EYS: variants seen among roughly 807,000 people sequenced by gnomAD.
EYS encodes the protein EGF-like photoreceptor maintenance factor.
A neutral mutation model predicts 282.1 loss-of-function variants in EYS; 250 were observed. The observed-to-expected ratio is 0.89, with a 90% CI of 0.80 to 0.98. The LOEUF is 0.98. Ranked by LOEUF, EYS falls within the 50% of genes least tolerant of loss-of-function variation. EYS has a pLI of 0.00. For synonymous variants in EYS, 1,355 were observed against 1,282.9 expected, an observed-to-expected ratio of 1.06 and a Z score of -1.20; for missense variants, 4,016 against 3,709.0, an observed-to-expected ratio of 1.08 and a Z score of -2.15.
chr6:65,559,984 C>T lies in EYS; in HGVS notation c.-332-63991G>A, dbSNP rs138297857. On this transcript the variant is annotated intron_variant, in intron 2 of 42. Transcript: ENST00000503581. ...TAAAATATTTCAAACACTTTGAAGACATTTTTTTCAAAGGATATTAAAGAA... is the reference window on the plus strand; with the variant it reads ...TAAAATATTTCAAACACTTTGAAGATATTTTTTTCAAAGGATATTAAAGAA... Among the ~76,000 whole-genome samples the T allele has an allele frequency of 4.2e-3, 637 of 150,794 alleles. 4 individuals are homozygous for T. Among genetic ancestry groups the T allele is most frequent in the African/African-American group, 0.015 (611 of 41,420 alleles).
At chr6:65,550,155 T>TATGTTG (rs1197242809) in intron 2 of EYS, among the ~76,000 whole-genome samples, 3 of 8,468 alleles carry the variant, frequency 3.5e-4, no homozygotes, top group Non-Finnish European at 4.8e-4. Context: ...TTTTTTTTTT[T>TATGTTG]TTTTTTTTTT....
chr6:63,829,443 G>A (rs1256986264), intron 36 of EYS, among the ~76,000 whole-genome samples: 5 of 152,292 alleles, frequency 3.3e-5, no homozygotes, highest in Admixed American at 6.5e-5. Flanking sequence ...AGGGTCCCAC[G>A]CCCACAGAGC....
chr6:64,297,397 T>G (rs2150370336), intron 30 of EYS, among the ~76,000 whole-genome samples: 1 of 152,014 alleles, frequency 6.6e-6, no homozygotes, highest in East Asian at 1.9e-4. Flanking sequence ...CAGGAAAGGG[T>G]TTATAAAAGA....
At chr6:64,914,304 C>A (rs1768097391) in intron 15 of EYS, among the ~76,000 whole-genome samples, 3 of 152,034 alleles carry the variant, frequency 2.0e-5, no homozygotes, top group Admixed American at 2.0e-4. Flanking sequence ...AGGTAGATTT[C>A]CAAATCTTGA....
intron 35 of EYS, among the ~76,000 whole-genome samples, chr6:63,887,637 CT>C (rs1394885061): frequency 6.6e-6 from 1 of 152,232 alleles, no homozygotes; most frequent in East Asian, 1.9e-4. Flanking sequence ...AAATACTACA[CT>C]TTTCCCATGG....
chr6:65,676,995 T>G (rs1170766936), intron 1 of EYS, among the ~76,000 whole-genome samples: 4 of 144,446 alleles, frequency 2.8e-5, no homozygotes, highest in Non-Finnish European at 6.0e-5. Flanking sequence ...TTGACAAAAC[T>G]CAGCACTGAT....
chr6:65,421,974 A>T (rs1382733935), intron 5 of EYS, among the ~76,000 whole-genome samples: 1 of 151,940 alleles, frequency 6.6e-6, no homozygotes, highest in Non-Finnish European at 1.5e-5. Flanking sequence ...AGTTTGAAAT[A>T]TTGTGAGAAT....
chr6:64,421,523 T>C (rs1305941572), intron 28 of EYS, among the ~76,000 whole-genome samples: 1 of 152,158 alleles, frequency 6.6e-6, no homozygotes, highest in East Asian at 1.9e-4. Flanking sequence ...ATTTTGTCTT[T>C]CATATCTAGG....
intron 9 of EYS, among the ~76,000 whole-genome samples, chr6:65,345,644 T>C (rs189160607): frequency 2.8e-4 from 43 of 151,972 alleles, no homozygotes; most frequent in African/African-American, 9.9e-4. Flanking sequence ...TTCATTTAAA[T>C]TGTCCAATTT....
chr6:65,003,342 G>A lies in EYS; in HGVS notation c.2138-5639C>T, dbSNP rs572991637. The stretch of plus-strand genomic sequence containing the variant: ...AGCACTCCCAGGCTTATTAGAAAGA[G>A]GAAATTCCTGCCTAATAAATTTTGG... On this transcript the variant is annotated intron_variant, in intron 13 of 42. Transcript: ENST00000503581. 1.0e-4 allele frequency among the ~76,000 whole-genome samples: 15 copies of A among 147,166 alleles called. 1 individual carries two copies. Among genetic ancestry groups the A allele is most frequent in the Admixed American group, 2.0e-4 (3 of 14,786 alleles).
intron 19 of EYS, among the ~76,000 whole-genome samples, chr6:64,885,933 C>T (rs768718630): frequency 2.0e-5 from 3 of 151,684 alleles, no homozygotes; most frequent in Non-Finnish European, 4.4e-5. Flanking sequence ...CTACTCATCC[C>T]TCAGGATAGA....
At chr6:65,072,446 A>G (rs986938996) in intron 12 of EYS, among the ~76,000 whole-genome samples, 6 of 151,852 alleles carry the variant, frequency 4.0e-5, no homozygotes, top group African/African-American at 1.4e-4. Context: ...CTAAACATCC[A>G]TAAAGACTAA....
At chr6:64,463,143 G>A (rs1345794730) in intron 26 of EYS, among the ~76,000 whole-genome samples, 1 of 151,702 alleles carries the variant, frequency 6.6e-6, no homozygotes, top group Non-Finnish European at 1.5e-5. Context: ...ACTAGAGATG[G>A]GGTTTCACCG....
intron 12 of EYS, among the ~76,000 whole-genome samples, chr6:65,064,881 C>T (rs1369720949): frequency 1.3e-5 from 2 of 151,890 alleles, no homozygotes; most frequent in African/African-American, 4.8e-5. Flanking sequence ...GAAGTGAGTA[C>T]CTAAGATCTT....
chr6:64,842,955 A>C (rs1765609128), intron 19 of EYS, among the ~76,000 whole-genome samples: 1 of 152,114 alleles, frequency 6.6e-6, no homozygotes, highest in South Asian at 2.1e-4. Context: ...CAAGGAGCAG[A>C]ATGTTAGTCC....
intron 24 of EYS, among the ~76,000 whole-genome samples, chr6:64,613,048 C>G (rs1052222245): frequency 1.3e-5 from 2 of 152,104 alleles, no homozygotes; most frequent in Non-Finnish European, 2.9e-5. Context: ...AAATTCAATA[C>G]AAACATATTT....
intron 4 of EYS, among the ~76,000 whole-genome samples, chr6:65,492,766 G>A (rs1181130761): frequency 7.2e-5 from 11 of 152,128 alleles, no homozygotes; most frequent in Middle Eastern, 3.2e-3. Context: ...ACGTTATAGA[G>A]ACAATATATT....
At chr6:64,405,740 A>G (rs1192417250) in intron 28 of EYS, among the ~76,000 whole-genome samples, 1 of 152,182 alleles carries the variant, frequency 6.6e-6, no homozygotes, top group Non-Finnish European at 1.5e-5. Flanking sequence ...TGCTACAAAG[A>G]GAATAAAATA....
chr6:64,646,188 C>T lies in EYS; in HGVS notation c.3444-19943G>A, dbSNP rs767424932. 5.3e-5 allele frequency among the ~76,000 whole-genome samples: 8 copies of T among 152,190 alleles called. No homozygotes were observed. In the South Asian group the frequency reaches 6.2e-4, roughly 12 times the overall value. ...TTCCAACCCAGTCGTGGAAGCATCA[C>T]GTCTGCCCTGTTACTTCAGTTGAGG... is the stretch of plus-strand genomic sequence containing the variant. On this transcript the variant is annotated intron_variant, in intron 22 of 42. Coordinates refer to ENST00000503581, the MANE Select transcript of EYS (RefSeq NM_001142800.2).
Sources: allele counts gnomAD v4.1 joint callset (sites outside exome capture counted in the v4.1 genomes callset), GRCh38; gene constraint gnomAD v4.1.1; transcripts MANE v1.5; gene names NCBI Gene and HGNC (gene_info 2026-07-23, HGNC 2026-07-21).